Variants in L3MBTL4 observed in about 807,000 individuals in gnomAD.
L3MBTL4 encodes lethal(3)malignant brain tumor-like protein 4.
L3MBTL4 carries 70 observed loss-of-function variants against 84.5 expected under a neutral mutation model. The ratio of observed to expected loss-of-function variants is 0.83; its 90% CI spans 0.68 to 1.01. The LOEUF (loss-of-function observed/expected upper bound fraction) is 1.01. Among genes scored for constraint, L3MBTL4 ranks in the 50% least tolerant of loss-of-function variants. L3MBTL4 has a pLI of 0.00. For missense variants in L3MBTL4, 715 were observed against 754.8 expected (o/e 0.95, Z 0.62); for synonymous variants, 274 against 259.8 (o/e 1.05, Z -0.52).
At chr18:6,250,828 G>T (rs770365149) in intron 5 of L3MBTL4, among the ~76,000 whole-genome samples, 4 of 152,144 alleles carry the variant, frequency 2.6e-5, no homozygotes, top group Non-Finnish European at 4.4e-5. Context: ...CTACACAAAG[G>T]CCTTTGCCAT....
chr18:6,206,450 G>A (rs1399442228), intron 12 of L3MBTL4, among the ~76,000 whole-genome samples: 1 of 152,150 alleles, frequency 6.6e-6, no homozygotes, highest in East Asian at 1.9e-4. Context: ...AATCATGTCA[G>A]GATCTCACTA....
chr18:6,166,908 A>G (rs1212549276), intron 13 of L3MBTL4, among the ~76,000 whole-genome samples: 3 of 152,210 alleles, frequency 2.0e-5, no homozygotes, highest in South Asian at 4.1e-4. Context: ...TGAAAAGATC[A>G]ACAAAATTGA....
At chr18:6,046,775 G>A (rs970052572) in intron 16 of L3MBTL4, 32 of 774,448 alleles carry the variant, frequency 4.1e-5, no homozygotes, top group Admixed American at 3.8e-4. Context: ...AAAAGTTTAT[G>A]ACATAAACAC....
chr18:6,031,422 A>T (rs1414550659), intron 16 of L3MBTL4: 1 of 985,340 alleles, frequency 1.0e-6, no homozygotes, highest in African/African-American at 1.7e-5. Context: ...ACTTCTGAAC[A>T]TTTATAAGTT....
intron 14 of L3MBTL4, among the ~76,000 whole-genome samples, chr18:6,130,915 T>C (rs1002776271): frequency 2.0e-5 from 3 of 152,226 alleles, no homozygotes; most frequent in African/African-American, 7.2e-5. Flanking sequence ...TTTATCCATA[T>C]TCTACATGAA....
At chr18:6,188,594 G>C (rs1480470081) in intron 12 of L3MBTL4, among the ~76,000 whole-genome samples, 1 of 152,178 alleles carries the variant, frequency 6.6e-6, no homozygotes, top group Non-Finnish European at 1.5e-5. Context: ...CCAGCTCAGG[G>C]GCCTGTGCTG....
chr18:6,023,223 G>A (rs1239301878), intron 16 of L3MBTL4, among the ~76,000 whole-genome samples: 1 of 152,230 alleles, frequency 6.6e-6, no homozygotes, highest in Non-Finnish European at 1.5e-5. Context: ...GCAGAGAATA[G>A]ATAGGGAGCA....
chr18:6,077,409 C>G (rs1004579249), intron 16 of L3MBTL4, among the ~76,000 whole-genome samples: 1 of 151,980 alleles, frequency 6.6e-6, no homozygotes, highest in African/African-American at 2.4e-5. Context: ...ATATGTTTAT[C>G]CAATCTTACG....
intron 13 of L3MBTL4, among the ~76,000 whole-genome samples, chr18:6,143,976 T>C (rs1487223513): frequency 6.6e-6 from 1 of 151,942 alleles, no homozygotes; most frequent in African/African-American, 2.4e-5. Context: ...GGGTGGCGGA[T>C]CACAAGGTCA....
At chr18:6,069,574 A>C (rs2057511979) in intron 16 of L3MBTL4, among the ~76,000 whole-genome samples, 1 of 152,036 alleles carries the variant, frequency 6.6e-6, no homozygotes, top group South Asian at 2.1e-4. Flanking sequence ...ACTCTTCTTG[A>C]GCTGGGCTAG....
intron 1 of L3MBTL4, among the ~76,000 whole-genome samples, chr18:6,393,708 A>T (rs2055153154): frequency 6.6e-6 from 1 of 152,110 alleles, no homozygotes; most frequent in Admixed American, 6.5e-5. Flanking sequence ...GTCACTTCTC[A>T]CCACAGACGC....
intron 16 of L3MBTL4, among the ~76,000 whole-genome samples, chr18:6,011,103 T>C (rs116729320): frequency 0.012 from 1,783 of 152,360 alleles, 38 homozygotes; most frequent in African/African-American, 0.041. Context: ...TTGTTGTTAC[T>C]GCTGTCAACA....
At chr18:6,301,546 T>C (rs1222304088) in intron 4 of L3MBTL4, among the ~76,000 whole-genome samples, 2 of 152,188 alleles carry the variant, frequency 1.3e-5, no homozygotes, top group Non-Finnish European at 2.9e-5. Flanking sequence ...ATGCAATCAT[T>C]AGAAGATCAA....
At chr18:6,238,261 C>T (rs142088973) in intron 9 of L3MBTL4, among the ~76,000 whole-genome samples, 445 of 152,298 alleles carry the variant, frequency 2.9e-3, no homozygotes, top group African/African-American at 0.01. Flanking sequence ...TGGCTGGGCG[C>T]GGTGGCTCAC....
In L3MBTL4 at chr18:6,301,952, T is replaced by C; in HGVS notation, c.78A>G (p.Gln26=). 1 of 1,612,250 alleles carries C rather than the reference T, an allele frequency of 6.2e-7. No individual in the cohort carries two copies. Among genetic ancestry groups the C allele is most frequent in the Non-Finnish European group, 8.5e-7 (1 of 1,178,230 alleles). The change falls in exon 4 of 19, where the codon CAA becomes CAG. Residue 26 remains glutamine (Q), a synonymous_variant. Transcript: ENST00000317931. ...ERLDQDGRLE[Q]AEEEKKPKDS... ...CCTTGGGCTTCTTTTCCTCTTCAGC[T>C]TGCTCCTAGAATACAGAAAATGGTG...
Position 6,215,781 on chromosome 18 carries a change from G to T in L3MBTL4, c.839C>A (p.Thr280Asn). 6.2e-7 allele frequency: 1 copy of T among 1,608,034 alleles called. No homozygotes were observed. Among genetic ancestry groups the T allele is most frequent in the Non-Finnish European group, 8.5e-7 (1 of 1,177,350 alleles). Reference sequence around the variant, plus strand: ...AAAAACTTTGGCAGGAACTGCATTGGTTTGAGTAGCTTCCAGGTATTCTGT... The same window carrying T: ...AAAAACTTTGGCAGGAACTGCATTGTTTTGAGTAGCTTCCAGGTATTCTGT... ...SWTEYLEATQ[T>N]NAVPAKVFKM... Residue 280 changes from threonine (T) to asparagine (N), a missense_variant, in exon 11 of 19, where the codon ACC becomes AAC. Thr to Asn is a moderately conservative substitution (Grantham distance 65). Coordinates refer to ENST00000317931, the MANE Select transcript of L3MBTL4 (RefSeq NM_001330559.2).
At chr18:6,362,653 G>A in intron 1 of L3MBTL4, among the ~76,000 whole-genome samples, 1 of 152,146 alleles carries the variant, frequency 6.6e-6, no homozygotes, top group Non-Finnish European at 1.5e-5. Context: ...CTGCACCCAA[G>A]TATCTCTGAC....
At chr18:6,407,333 A>C (rs1323444654) in intron 1 of L3MBTL4, among the ~76,000 whole-genome samples, 1 of 152,184 alleles carries the variant, frequency 6.6e-6, no homozygotes, top group Non-Finnish European at 1.5e-5. Context: ...GAACCTGCCC[A>C]AAAACAGTCA....
At chr18:6,369,416 A>G (rs915129166) in intron 1 of L3MBTL4, among the ~76,000 whole-genome samples, 2 of 152,236 alleles carry the variant, frequency 1.3e-5, no homozygotes, top group Non-Finnish European at 2.9e-5. Context: ...CACAATGCAC[A>G]GGACAGCCCC....
Sources: allele counts gnomAD v4.1 joint callset (sites outside exome capture counted in the v4.1 genomes callset), GRCh38; gene constraint gnomAD v4.1.1; transcripts MANE v1.5; gene names NCBI Gene and HGNC (gene_info 2026-07-23, HGNC 2026-07-21).